ZCWPW2: variants seen among roughly 807,000 people sequenced by gnomAD.
The protein encoded by ZCWPW2 is zinc finger CW-type PWWP domain protein 2.
ZCWPW2 carries 45 observed loss-of-function variants against 46.6 expected under a neutral mutation model. The observed-to-expected ratio is 0.96, with a 90% confidence interval of 0.76 to 1.24. The LOEUF is 1.24. Ranked by LOEUF, ZCWPW2 falls within the 50% of genes most tolerant of loss-of-function variation. The pLI, the probability that ZCWPW2 is intolerant of heterozygous loss-of-function variation, is 0.00. For synonymous variants in ZCWPW2, 152 were observed against 137.1 expected (o/e 1.11, Z -0.76); for missense variants, 429 against 403.9 (o/e 1.06, Z -0.53).
intron 2 of ZCWPW2, among the ~76,000 whole-genome samples, chr3:28,404,473 G>A (rs1035739425): frequency 8.5e-5 from 13 of 152,096 alleles, no homozygotes; most frequent in South Asian, 4.1e-4. Context: ...TGGAGATTCC[G>A]TAAAGAACTA....
chr3:28,444,743 G>A (rs1474577298), intron 4 of ZCWPW2, among the ~76,000 whole-genome samples: 1 of 152,198 alleles, frequency 6.6e-6, no homozygotes, highest in Non-Finnish European at 1.5e-5. Flanking sequence ...TCTGAAGCCA[G>A]GAGTTAGAAT....
At chr3:28,443,953 G>T (rs957296881) in intron 4 of ZCWPW2, among the ~76,000 whole-genome samples, 1 of 152,042 alleles carries the variant, frequency 6.6e-6, no homozygotes, top group Non-Finnish European at 1.5e-5. Context: ...TGAACCAAGG[G>T]AGATTAGGCA....
rs114650048 is a variant in ZCWPW2, at chr3:28,374,464, T to G, written c.-133-16034T>G. On this transcript the variant is annotated intron_variant, in intron 1 of 9. Coordinates refer to ENST00000383768, the MANE Select transcript of ZCWPW2 (RefSeq NM_001040432.4). ...TGCTCAGGATTGCTTCAGGCTCTAT[T>G]TTGGTTCCATATAAATGTTAGGTTT... Among the ~76,000 whole-genome samples, 293 of 152,304 alleles carry G rather than the reference T, an allele frequency of 1.9e-3. 1 individual carries two copies. Among genetic ancestry groups the G allele is most frequent in the Middle Eastern group, 6.8e-3 (2 of 294 alleles).
In ZCWPW2 at chr3:28,396,633, G is replaced by A. The variant is rs556186551; in HGVS notation, c.-14+6016G>A. Among the ~76,000 whole-genome samples the A allele has an allele frequency of 7.2e-5, 11 of 152,278 alleles. No homozygotes were observed. The South Asian group carries it at 2.3e-3, about 32-fold the overall frequency. On this transcript the variant is annotated intron_variant, in intron 2 of 9. Coordinates refer to ENST00000383768, the MANE Select transcript of ZCWPW2 (RefSeq NM_001040432.4). ...TGTTGTTTTTCTCAAACCCAGGAGA[G>A]TTGCATAATCTGTGATAGCCTGCAG...
At chr3:28,486,140 T>G (rs1158059685) in intron 5 of ZCWPW2, among the ~76,000 whole-genome samples, 4 of 152,134 alleles carry the variant, frequency 2.6e-5, no homozygotes, top group Non-Finnish European at 4.4e-5. Flanking sequence ...CAATGTACAT[T>G]TACAACTAAT....
At chr3:28,349,586 C>G (rs1027745428) in intron 1 of ZCWPW2, among the ~76,000 whole-genome samples, 1 of 152,110 alleles carries the variant, frequency 6.6e-6, no homozygotes. Context: ...GCCCGGCTTC[C>G]CTGGAGTTGC....
intron 6 of ZCWPW2, among the ~76,000 whole-genome samples, chr3:28,494,343 G>C (rs1699915970): frequency 9.0e-6 from 1 of 110,502 alleles, no homozygotes; most frequent in African/African-American, 3.6e-5. Context: ...TGTAAGGAAG[G>C]GATCCAGTTT....
intron 1 of ZCWPW2, among the ~76,000 whole-genome samples, chr3:28,377,071 A>ATT (rs59460759): frequency 1.3e-5 from 2 of 148,158 alleles, no homozygotes; most frequent in African/African-American, 2.5e-5. Flanking sequence ...CTGCATGATG[A>ATT]TTTTTTTTTT....
chr3:28,354,371 A>C (rs1477189536), intron 1 of ZCWPW2, among the ~76,000 whole-genome samples: 1 of 133,754 alleles, frequency 7.5e-6, no homozygotes, highest in Non-Finnish European at 1.7e-5. Context: ...GAGCCTACCA[A>C]TGAACAAAAA....
intron 4 of ZCWPW2, among the ~76,000 whole-genome samples, chr3:28,463,134 T>G (rs913297135): frequency 6.6e-6 from 1 of 152,210 alleles, no homozygotes; most frequent in African/African-American, 2.4e-5. Flanking sequence ...CTTATTTATA[T>G]TCATAAGTTT....
chr3:28,427,371 T>C (rs1697059482), intron 3 of ZCWPW2, among the ~76,000 whole-genome samples: 2 of 152,210 alleles, frequency 1.3e-5, no homozygotes, highest in South Asian at 4.1e-4. Context: ...TGAGGAGAAG[T>C]AATCATGTTT....
Position 28,365,784 on chromosome 3 carries a change from G to T in ZCWPW2, c.-134+16581G>T, listed in dbSNP as rs539873288. ...TTGATTCTTCCTACCCATGAGCATG[G>T]AATGTTCTTCCATTTGTTTGTATCC... On this transcript the variant is annotated intron_variant, in intron 1 of 9. Transcript: ENST00000383768. Among the ~76,000 whole-genome samples the T allele has an allele frequency of 5.9e-4, 84 of 141,228 alleles. 15 individuals carry two copies. The highest frequency in any genetic ancestry group is 2.5e-3 in the South Asian group (11 of 4,366). The allele number at this position is 141,228 out of a possible 152,430, so 92.7% of individuals were successfully genotyped here. A position where few individuals can be genotyped will look rare whatever the true frequency, so the allele number is the denominator to read the frequency against.
chr3:28,376,843 T>G (rs1422954853), intron 1 of ZCWPW2, among the ~76,000 whole-genome samples: 1 of 152,114 alleles, frequency 6.6e-6, no homozygotes, highest in African/African-American at 2.4e-5. Flanking sequence ...AAGTGTAATT[T>G]TAATGGAAGG....
chr3:28,370,846 C>T (rs964828786), intron 1 of ZCWPW2, among the ~76,000 whole-genome samples: 6 of 152,158 alleles, frequency 3.9e-5, no homozygotes, highest in Non-Finnish European at 7.3e-5. Context: ...AATTCTCCTG[C>T]CTCAGCCTCC....
At chr3:28,386,623 G>T (rs371249292) in intron 1 of ZCWPW2, among the ~76,000 whole-genome samples, 1 of 151,994 alleles carries the variant, frequency 6.6e-6, no homozygotes, top group South Asian at 2.1e-4. Context: ...AAACAATTTT[G>T]ATGGTCAAAT....
chr3:28,449,412 A>C (rs1189831674), intron 4 of ZCWPW2, among the ~76,000 whole-genome samples: 1 of 152,244 alleles, frequency 6.6e-6, no homozygotes, highest in Non-Finnish European at 1.5e-5. Context: ...GATAAGTGAA[A>C]TAATGCAATC....
intron 2 of ZCWPW2, among the ~76,000 whole-genome samples, chr3:28,406,826 C>CTTTTTTTTT (rs11337849): frequency 5.0e-5 from 6 of 119,976 alleles, no homozygotes; most frequent in Admixed American, 8.6e-5. Context: ...TCTTTTTTTT[C>CTTTTTTTTT]TTTTTTTTTT....
intron 3 of ZCWPW2, among the ~76,000 whole-genome samples, chr3:28,431,118 G>A (rs1320333605): frequency 6.6e-6 from 1 of 151,964 alleles, no homozygotes; most frequent in Admixed American, 6.5e-5. Flanking sequence ...TTTTATTTTT[G>A]TGATTTCAGA....
At position 28,368,067 on chromosome 3, in the gene ZCWPW2, G is replaced by A. The variant is rs574796959; in HGVS notation, c.-134+18864G>A. The stretch of plus-strand genomic sequence containing the variant: ...TGCACATGAGATGGGTTTCCTGAAT[G>A]CAGCATACTGATGGGTCTTGCGTCT... On this transcript the variant is annotated intron_variant, in intron 1 of 9. Transcript: ENST00000383768. Among the ~76,000 whole-genome samples the A allele has an allele frequency of 3.9e-5, 6 of 152,122 alleles. No individual in the cohort carries two copies. The South Asian group carries it at 1.2e-3, about 32-fold the overall frequency.
Sources: gnomAD v4.1 joint callset for allele counts (sites outside exome capture counted in the v4.1 genomes callset) on GRCh38, gnomAD v4.1.1 for gene constraint, MANE v1.5 for transcripts, NCBI Gene and HGNC (gene_info 2026-07-23, HGNC 2026-07-21) for gene names.